Variants in ARMC8 observed in about 807,000 individuals in gnomAD.
ARMC8 encodes armadillo repeat-containing protein 8.
ARMC8 carries 20 observed loss-of-function variants against 99.3 expected under a neutral mutation model. That is an observed-to-expected ratio of 0.20 (90% confidence interval 0.14 to 0.29). The LOEUF is 0.29. Among genes scored for constraint, ARMC8 ranks in the 10% least tolerant of loss-of-function variants. The pLI, the probability that ARMC8 is intolerant of heterozygous loss-of-function variation, is 1.00. For missense variants in ARMC8, 569 were observed against 809.5 expected (o/e 0.70, Z 3.60); for synonymous variants, 263 against 278.3 (o/e 0.95, Z 0.55).
intron 19 of ARMC8, among the ~76,000 whole-genome samples, chr3:138,288,635 C>CTTTTT (rs547726493): frequency 1.8e-5 from 2 of 109,678 alleles, no homozygotes; most frequent in African/African-American, 3.1e-5. Context: ...CTTCTTCAGA[C>CTTTTT]TTTTTTTTTT....
chr3:138,243,445 A>T (rs536410501), intron 11 of ARMC8, among the ~76,000 whole-genome samples: 1 of 152,298 alleles, frequency 6.6e-6, no homozygotes, highest in African/African-American at 2.4e-5. Context: ...GATTTTCATG[A>T]TATGTTAGTT....
intron 13 of ARMC8, 44 bp downstream of exon 13, chr3:138,263,865 T>C (rs2047995095): frequency 6.5e-7 from 1 of 1,545,178 alleles, no homozygotes; most frequent in African/African-American, 1.4e-5. Flanking sequence ...TTGCCATATA[T>C]TTAACCTGTT....
chr3:138,222,141 T>A, intron 3 of ARMC8, 144 bp downstream of exon 3: 1 of 639,586 alleles, frequency 1.6e-6, no homozygotes, highest in Non-Finnish European at 2.6e-6. Context: ...TGTAAGTATT[T>A]AAACTATCTT....
chr3:138,204,423 T>A (rs2044249798), intron 1 of ARMC8, among the ~76,000 whole-genome samples: 1 of 152,176 alleles, frequency 6.6e-6, no homozygotes, highest in Non-Finnish European at 1.5e-5. Context: ...ATGCTCCAAT[T>A]TATTCTGTCT....
intron 12 of ARMC8, chr3:138,262,633 C>A: frequency 6.6e-7 from 1 of 1,518,438 alleles, no homozygotes; most frequent in Non-Finnish European, 8.8e-7. Context: ...CTAGCCCTGA[C>A]CCTGGAGAAT....
At chr3:138,235,001 C>T in intron 6 of ARMC8, 33 bp from the exon 7 acceptor site, 1 of 1,552,172 alleles carries the variant, frequency 6.4e-7, no homozygotes, top group Non-Finnish European at 8.9e-7. Context: ...CATTACTCTT[C>T]TAAATATATT....
At position 138,298,322 on chromosome 3, in the gene ARMC8, G is replaced by A. The variant is rs2051663361; in HGVS notation, c.*2430G>A. 6.6e-6 allele frequency: 1 copy of A among 152,158 alleles called. No homozygotes were observed. The highest frequency in any genetic ancestry group is 2.4e-5 in the African/African-American group (1 of 41,432). The allele number at this position is 152,158 out of a possible 1,614,324, so 9.4% of individuals were successfully genotyped here. On this transcript the variant is annotated 3_prime_UTR_variant, in exon 22 of 22. Coordinates refer to ENST00000469044, the MANE Select transcript of ARMC8 (RefSeq NM_001363941.2). ...CAGAACAATACATGTTCTTCTGGTAGTGTTTGGATAATATGATTTTAACAC... is the reference window on the plus strand; with the variant it reads ...CAGAACAATACATGTTCTTCTGGTAATGTTTGGATAATATGATTTTAACAC...
At chr3:138,255,936 C>A (rs895676815) in intron 12 of ARMC8, among the ~76,000 whole-genome samples, 1 of 152,118 alleles carries the variant, frequency 6.6e-6, no homozygotes, top group Admixed American at 6.6e-5. Flanking sequence ...GCCTAGATTT[C>A]GCCTGGGCGA....
chr3:138,192,275 CTTTT>C (rs372563436), intron 1 of ARMC8, among the ~76,000 whole-genome samples: 1 of 130,678 alleles, frequency 7.7e-6, no homozygotes, highest in African/African-American at 3.0e-5. Context: ...TTTATTTATC[CTTTT>C]TTTTTTTTTT....
chr3:138,295,565 A>ATAGAATGTCAGCACATACCAGGGACTG (rs2051407664), intron 21 of ARMC8, among the ~76,000 whole-genome samples: 1 of 152,364 alleles, frequency 6.6e-6, no homozygotes, highest in African/African-American at 2.4e-5. Flanking sequence ...AAAAGAAAAC[A>ATAGAATGTCAGCACATACCAGGGACTG]TAGAATGTCA....
intron 11 of ARMC8, among the ~76,000 whole-genome samples, chr3:138,243,490 T>A (rs974529735): frequency 6.6e-6 from 1 of 152,198 alleles, no homozygotes; most frequent in African/African-American, 2.4e-5. Context: ...ATGACTAGAA[T>A]GTAGTTAAGA....
At chr3:138,284,150 G>C (rs1460922704) in intron 18 of ARMC8, among the ~76,000 whole-genome samples, 4 of 152,196 alleles carry the variant, frequency 2.6e-5, no homozygotes, top group African/African-American at 9.6e-5. Flanking sequence ...TGATTTGATA[G>C]TATGACCTAT....
intron 21 of ARMC8, among the ~76,000 whole-genome samples, chr3:138,295,215 C>A (rs1377032868): frequency 2.0e-5 from 3 of 152,084 alleles, no homozygotes; most frequent in Non-Finnish European, 2.9e-5. Context: ...CTATCTTTTC[C>A]TTTCCACCTG....
chr3:138,193,260 C>T lies in ARMC8; in HGVS notation c.45+5661C>T, dbSNP rs112433312. Among the ~76,000 whole-genome samples the T allele has an allele frequency of 5.4e-3, 808 of 149,800 alleles. 5 individuals carry two copies. Among genetic ancestry groups the T allele is most frequent in the South Asian group, 7.2e-3 (34 of 4,704 alleles). Reference sequence around the variant, plus strand: ...CTGGGATTACAGGTGTGAGCCACCGCGCCGGCTTATCTTATTTTTTGAGAG... The same window carrying T: ...CTGGGATTACAGGTGTGAGCCACCGTGCCGGCTTATCTTATTTTTTGAGAG... On this transcript the variant is annotated intron_variant, in intron 1 of 21. Transcript: ENST00000469044.
chr3:138,273,196 A>C, intron 17 of ARMC8, 80 bp downstream of exon 17: 46 of 1,381,770 alleles, frequency 3.3e-5, no homozygotes, highest in Non-Finnish European at 4.2e-5. Context: ...CTGTGCTCTC[A>C]TTAACATCTG....
At chr3:138,278,763 G>T (rs988586420) in intron 18 of ARMC8, among the ~76,000 whole-genome samples, 1 of 151,908 alleles carries the variant, frequency 6.6e-6, no homozygotes, top group Admixed American at 6.6e-5. Flanking sequence ...TGATATATAG[G>T]TCTTGCACTC....
Position 138,188,206 on chromosome 3 carries a change from C to T in ARMC8, c.45+607C>T, listed in dbSNP as rs901616670. ...GTGTGGTTTTTTAAGCCCCTTTCCTCCGCTCTGCTCAGAGGTCGCGGCTCT... is the reference window on the plus strand; with the variant it reads ...GTGTGGTTTTTTAAGCCCCTTTCCTTCGCTCTGCTCAGAGGTCGCGGCTCT... On this transcript the variant is annotated intron_variant, in intron 1 of 21. Transcript: ENST00000469044. 2.7e-5 allele frequency: 10 copies of T among 366,708 alleles called. No homozygotes were observed. In the South Asian group the frequency reaches 3.2e-4, roughly 12 times the overall value. The allele number at this position is 366,708 out of a possible 1,614,324, so 22.7% of individuals were successfully genotyped here. A position where few individuals can be genotyped will look rare whatever the true frequency, so the allele number is the denominator to read the frequency against.
chr3:138,291,348 G>T (rs2050929931), intron 21 of ARMC8, among the ~76,000 whole-genome samples: 1 of 152,114 alleles, frequency 6.6e-6, no homozygotes, highest in South Asian at 2.1e-4. Flanking sequence ...AGCCATACCT[G>T]TCCGCTTACA....
At position 138,267,362 on chromosome 3, in the gene ARMC8, T is replaced by G. The variant is rs2048371860; in HGVS notation, c.1386+121T>G. On this transcript the variant is annotated intron_variant, in intron 15 of 21. Coordinates refer to ENST00000469044, the MANE Select transcript of ARMC8 (RefSeq NM_001363941.2). ...GGTTTAAAAACTACTTCGGAATTGTTTGATTGCATAGCGGTAGGGGTGTGC... is the reference window on the plus strand; with the variant it reads ...GGTTTAAAAACTACTTCGGAATTGTGTGATTGCATAGCGGTAGGGGTGTGC... The G allele has an allele frequency of 5.2e-6, 3 of 576,056 alleles. No homozygotes were observed. The South Asian group carries it at 7.5e-5, about 14-fold the overall frequency. The allele number at this position is 576,056 out of a possible 1,614,324, so 35.7% of individuals were successfully genotyped here.
Sources: allele counts gnomAD v4.1 joint callset (sites outside exome capture counted in the v4.1 genomes callset), GRCh38; gene constraint gnomAD v4.1.1; transcripts MANE v1.5; gene names NCBI Gene and HGNC (gene_info 2026-07-23, HGNC 2026-07-21).